The following RUFY4 variants were observed in gnomAD, a reference collection of about 807,000 sequenced individuals.
RUFY4 encodes RUN and FYVE domain containing 4, also known as RUN and FYVE domain-containing protein 4.
In RUFY4, 73 loss-of-function variants were observed where a neutral mutation model predicts 69.0. The observed-to-expected ratio is 1.06, with a 90% confidence interval of 0.88 to 1.29. The LOEUF (loss-of-function observed/expected upper bound fraction) is 1.29, where lower values mean the gene tolerates loss of function less well. Ranked by LOEUF, RUFY4 falls within the 50% of genes most tolerant of loss-of-function variation. The pLI is 0.00. For missense variants in RUFY4, 770 were observed against 705.6 expected (o/e 1.09, Z -1.03); for synonymous variants, 287 against 271.8 (o/e 1.06, Z -0.55).
At chr2:218,070,955 C>A in intron 2 of RUFY4, 96 bp downstream of exon 4, 1 of 875,852 alleles carries the variant, frequency 1.1e-6, no homozygotes, top group Non-Finnish European at 1.7e-6. Flanking sequence ...CAGCCCCCTT[C>A]CTTACCATGC....
chr2:218,067,790 G>A (rs7419750), upstream of RUFY4, among the ~76,000 whole-genome samples: 42,455 of 151,926 alleles, frequency 0.28, 6,442 homozygotes, highest in East Asian at 0.39. Context: ...CTGGCACCTC[G>A]CTCCATCCCA....
At chr2:218,048,283 G>A (rs973447059) in intron 2 of RUFY4, among the ~76,000 whole-genome samples, 5 of 151,928 alleles carry the variant, frequency 3.3e-5, no homozygotes, top group African/African-American at 1.2e-4. Flanking sequence ...TTTTTAGTGG[G>A]GTTGCTTTTT....
chr2:218,089,217 C>T, intron 9 of RUFY4, 35 bp from the exon 12 acceptor site: 1 of 1,531,496 alleles, frequency 6.5e-7, no homozygotes, highest in Non-Finnish European at 9.0e-7. Context: ...ATCTCTGTCT[C>T]TGTCTGTGTC....
chr2:218,089,655 A>AGAT, intron 10 of RUFY4: 1 of 702,734 alleles, frequency 1.4e-6, no homozygotes, highest in East Asian at 2.7e-5. Context: ...GTACAGCGTA[A>AGAT]GCTGCTCCCC....
At chr2:218,052,179 G>C (rs938864194) in intron 2 of RUFY4, among the ~76,000 whole-genome samples, 2 of 152,054 alleles carry the variant, frequency 1.3e-5, no homozygotes, top group Non-Finnish European at 2.9e-5. Flanking sequence ...TTCAACATTT[G>C]TCAGTTCCTG....
chr2:218,078,400 C>G (rs915589516), intron 8 of RUFY4, among the ~76,000 whole-genome samples: 4 of 152,114 alleles, frequency 2.6e-5, no homozygotes, highest in African/African-American at 9.7e-5. Context: ...AACAAAGGCC[C>G]TGATGGAGGA....
intron 2 of RUFY4, among the ~76,000 whole-genome samples, chr2:218,049,510 TC>T (rs1688898297): frequency 6.7e-6 from 1 of 148,744 alleles, no homozygotes; most frequent in African/African-American, 2.6e-5. Context: ...CTGTTTTAGG[TC>T]TTTTTTTTTT....
chr2:218,058,842 T>G (rs2106036156), intron 3 of RUFY4, among the ~76,000 whole-genome samples: 1 of 152,214 alleles, frequency 6.6e-6, no homozygotes, highest in East Asian at 1.9e-4. Flanking sequence ...TACTCAACCC[T>G]TTGCACCTTC....
At chr2:218,070,941 G>A in intron 2 of RUFY4, 82 bp downstream of exon 4, 1 of 1,047,934 alleles carries the variant, frequency 9.5e-7, no homozygotes, top group Non-Finnish European at 1.4e-6. Context: ...TCAGGGAGGA[G>A]CCACAGCCCC....
intron 3 of RUFY4, chr2:218,061,509 G>A (rs977199081): frequency 1.2e-5 from 2 of 165,694 alleles, no homozygotes; most frequent in South Asian, 1.6e-4. Flanking sequence ...CAAGAAACTG[G>A]GATAGGATTC....
chr2:218,047,785 A>C (rs2106029617), intron 2 of RUFY4, among the ~76,000 whole-genome samples: 1 of 152,322 alleles, frequency 6.6e-6, no homozygotes. Context: ...AAAGTACATA[A>C]GCTTAAACTT....
chr2:218,067,004 G>A (rs557559892), upstream of RUFY4, among the ~76,000 whole-genome samples: 1 of 152,320 alleles, frequency 6.6e-6, no homozygotes, highest in South Asian at 2.1e-4. Context: ...CTGTATTTAC[G>A]AAATATTTCA....
At chr2:218,088,185 C>T (rs974844061) in intron 9 of RUFY4, among the ~76,000 whole-genome samples, 4 of 151,912 alleles carry the variant, frequency 2.6e-5, no homozygotes, top group Non-Finnish European at 4.4e-5. Context: ...ACCCGTCTTC[C>T]TAAATATCCT....
At chr2:218,061,329 G>A in intron 3 of RUFY4, 1 of 269,314 alleles carries the variant, frequency 3.7e-6, no homozygotes, top group Non-Finnish European at 7.4e-6. Context: ...AAAAGGGGTA[G>A]GGTCATAGCT....
At chr2:218,052,827 G>A (rs1688977173) in intron 2 of RUFY4, among the ~76,000 whole-genome samples, 2 of 131,020 alleles carry the variant, frequency 1.5e-5, no homozygotes, top group East Asian at 3.4e-4. Flanking sequence ...CATCCCTAAG[G>A]CAGGTCTAAG....
chr2:218,060,550 T>G (rs1341807744), intron 3 of RUFY4: 1 of 1,303,742 alleles, frequency 7.7e-7, no homozygotes, highest in East Asian at 2.3e-5. Context: ...CTGGTTGATG[T>G]CGTTGCGGCG....
intron 9 of RUFY4, among the ~76,000 whole-genome samples, chr2:218,087,407 G>A (rs1445938796): frequency 2.0e-5 from 3 of 152,202 alleles, no homozygotes; most frequent in Non-Finnish European, 4.4e-5. Flanking sequence ...CGGCAAGTTA[G>A]AAGGTGGAGG....
intron 9 of RUFY4, among the ~76,000 whole-genome samples, chr2:218,087,041 A>G (rs919074616): frequency 6.6e-6 from 1 of 152,216 alleles, no homozygotes; most frequent in African/African-American, 2.4e-5. Context: ...AGAAATATAT[A>G]TATGTATTAT....
intron 2 of RUFY4, among the ~76,000 whole-genome samples, chr2:218,035,782 C>A (rs73082319): frequency 7.2e-5 from 11 of 152,272 alleles, no homozygotes; most frequent in South Asian, 2.1e-4. Context: ...CTGCTCCCCC[C>A]ACACACGCAG....
Sources: gnomAD v4.1 joint callset for allele counts (sites outside exome capture counted in the v4.1 genomes callset) on GRCh38, gnomAD v4.1.1 for gene constraint, MANE v1.5 for transcripts, NCBI Gene and HGNC (gene_info 2026-07-23, HGNC 2026-07-21) for gene names.